Variants in IQGAP3 observed in about 807,000 individuals in gnomAD.
IQGAP3 encodes ras GTPase-activating-like protein IQGAP3.
In IQGAP3, 165 loss-of-function variants were observed where a neutral mutation model predicts 208.2. The observed-to-expected ratio is 0.79, with a 90% CI of 0.70 to 0.90. The LOEUF (loss-of-function observed/expected upper bound fraction) is 0.90, where lower values mean the gene tolerates loss of function less well. IQGAP3 is among the 40% of genes least tolerant of loss of function. The pLI, the probability that IQGAP3 is intolerant of heterozygous loss-of-function variation, is 0.00. For missense variants in IQGAP3, 1,811 were observed against 2,043.1 expected (o/e 0.89, Z 2.19); for synonymous variants, 703 against 803.6 (o/e 0.87, Z 2.12).
chr1:156,526,665 CA>C (rs1674080264), intron 37 of IQGAP3, 66 bp from the exon 38 acceptor site: 1 of 1,085,066 alleles, frequency 9.2e-7, no homozygotes, highest in African/African-American at 1.5e-5. Context: ...AGATGGTGTA[CA>C]AAACACTCAC....
intron 37 of IQGAP3, among the ~76,000 whole-genome samples, chr1:156,527,032 T>C (rs1038215903): frequency 1.1e-4 from 17 of 151,212 alleles, no homozygotes; most frequent in African/African-American, 2.2e-4. Flanking sequence ...AGGGTTTCAC[T>C]ATATTGGCCA....
chr1:156,538,091 C>T (rs769285087), intron 26 of IQGAP3, among the ~76,000 whole-genome samples: 8 of 151,964 alleles, frequency 5.3e-5, no homozygotes, highest in Non-Finnish European at 8.8e-5. Context: ...GACAGAGTCT[C>T]GCTCTGTCGC....
At chr1:156,534,472 A>G (rs756906261) in intron 29 of IQGAP3, 29 bp downstream of exon 29, 46 of 1,472,588 alleles carry the variant, frequency 3.1e-5, no homozygotes, top group Non-Finnish European at 4.2e-5. Context: ...GAGGGAAGAA[A>G]GGGGACAGAG....
chr1:156,527,271 G>C (rs1674128330), intron 37 of IQGAP3, among the ~76,000 whole-genome samples: 1 of 151,054 alleles, frequency 6.6e-6, no homozygotes, highest in African/African-American at 2.4e-5. Flanking sequence ...CACAAGGTCA[G>C]CAGTTCAAGA....
chr1:156,557,463 G>A (rs1205611535), intron 11 of IQGAP3, among the ~76,000 whole-genome samples: 1 of 18,276 alleles, frequency 5.5e-5, no homozygotes, highest in African/African-American at 1.1e-4. Context: ...CGCCTGGCCA[G>A]CCACCCCGTC....
intron 4 of IQGAP3, among the ~76,000 whole-genome samples, chr1:156,565,570 A>G (rs1478197954): frequency 1.3e-5 from 2 of 152,250 alleles, no homozygotes; most frequent in Admixed American, 6.5e-5. Context: ...TGTAAGGTAG[A>G]CAGGGCAGGG....
At position 156,555,468 on chromosome 1, in the gene IQGAP3, T is replaced by C. The variant is rs962216393; in HGVS notation, c.1290+1065A>G. 2.6e-5 allele frequency among the ~76,000 whole-genome samples: 4 copies of C among 152,318 alleles called. No individual in the cohort carries two copies. In the East Asian group the frequency reaches 5.8e-4, roughly 22 times the overall value. On this transcript the variant is annotated intron_variant, in intron 12 of 37. Transcript: ENST00000361170. ...CTCAAACTCCTGGCCTCAAGTGATC[T>C]GCCTGCCTGGACCTCCCAAAGTGCT... is the stretch of plus-strand genomic sequence containing the variant.
Position 156,548,079 on chromosome 1 carries a change from CT to C in IQGAP3, c.2297del (p.Lys766ArgfsTer29). 1 of 1,612,958 alleles carries C rather than the reference CT, an allele frequency of 6.2e-7. No homozygotes were observed. The highest frequency in any genetic ancestry group is 1.1e-5 in the South Asian group (1 of 90,790). Reference protein sequence around the residue: ...FLRTWLPAVIKIQAHWRGYRQ... With the variant: ...FLRTWLPAVIXIQAHWRGYRQ... ...GAAAGCCAGAGCCTGCCACCTGGAT[CT>C]TGATGACTGCTGGGAGCCAGGTCCT... On this transcript the variant is annotated frameshift_variant, in exon 19 of 38. Transcript: ENST00000361170. LOFTEE classifies it high-confidence loss of function.
chr1:156,530,443 G>A (rs1674338353), intron 33 of IQGAP3, 126 bp from the exon 34 acceptor site: 2 of 740,558 alleles, frequency 2.7e-6, no homozygotes, highest in Non-Finnish European at 2.2e-6. Flanking sequence ...CATTAAGAAA[G>A]TGCCCCAGAG....
intron 10 of IQGAP3, 47 bp from the exon 11 acceptor site, chr1:156,561,068 T>A: frequency 7.1e-7 from 1 of 1,400,870 alleles, no homozygotes; most frequent in Non-Finnish European, 1.0e-6. Flanking sequence ...TCCGGGGCCA[T>A]GACCATGCTT....
intron 19 of IQGAP3, among the ~76,000 whole-genome samples, chr1:156,545,594 G>C (rs1479170470): frequency 6.6e-6 from 1 of 151,180 alleles, no homozygotes; most frequent in Non-Finnish European, 1.5e-5. Context: ...CAACCTCCTG[G>C]GCTCAAGTGA....
rs778447754 is a variant in IQGAP3 at position 156,540,706 on chromosome 1, A to G, written c.2739+2T>C. On this transcript the variant is annotated splice_donor_variant, in intron 23 of 37. Transcript: ENST00000361170. LOFTEE classifies it high-confidence loss of function. ...GGAGGGGAGGACTGGTGGGCCCCAT[A>G]CCTGCAGAGTGATCCGGTTCTTCAC... 1.9e-6 allele frequency: 3 copies of G among 1,613,198 alleles called. No homozygotes were observed. The highest frequency in any genetic ancestry group is 2.2e-5 in the East Asian group (1 of 44,872).
At chr1:156,549,383 A>G (rs1280631323) in intron 16 of IQGAP3, among the ~76,000 whole-genome samples, 2 of 151,818 alleles carry the variant, frequency 1.3e-5, no homozygotes, top group African/African-American at 4.8e-5. Flanking sequence ...AGGCCCAAGA[A>G]TCGCTTGAAC....
At chr1:156,537,159 G>A in intron 27 of IQGAP3, 22 bp downstream of exon 27, 1 of 1,607,946 alleles carries the variant, frequency 6.2e-7, no homozygotes, top group Non-Finnish European at 8.5e-7. Flanking sequence ...TGCGTAGGCT[G>A]GGGTGGGGCT....
rs1676275636 is a variant in IQGAP3, at chr1:156,563,781, G to A, written c.481C>T (p.Leu161=). The A allele has an allele frequency of 1.2e-6, 2 of 1,614,062 alleles. No homozygotes were observed. Among genetic ancestry groups the A allele is most frequent in the Admixed American group, 3.3e-5 (2 of 59,990 alleles). ...RLGLAPQIHD[L]YGKVKFTAEE... is the part of the protein sequence containing the mutation. ...CCTGTGAATTTCACTTTCCCGTATA[G>A]ATCATGTATCTGAGGGGCCAATCCC... The change falls in exon 6 of 38, where the codon CTA becomes TTA. Residue 161 remains leucine, a synonymous_variant. Coordinates refer to ENST00000361170, the MANE Select transcript of IQGAP3 (RefSeq NM_178229.5).
rs767860195 is a variant in IQGAP3 at position 156,530,102 on chromosome 1, T to C, written c.4404+3A>G. 1.9e-6 allele frequency: 3 copies of C among 1,591,486 alleles called. No individual in the cohort carries two copies. The highest frequency in any genetic ancestry group is 3.5e-5 in the Admixed American group (2 of 56,974). On this transcript the variant is annotated splice_donor_region_variant and intron_variant, in intron 34 of 37. Coordinates refer to ENST00000361170, the MANE Select transcript of IQGAP3 (RefSeq NM_178229.5). ...CACACGGAGCCCAGGCCCAGGTTGTTACCTTGGCCAGCTCGTCCACTAGCC... is the reference window on the plus strand; with the variant it reads ...CACACGGAGCCCAGGCCCAGGTTGTCACCTTGGCCAGCTCGTCCACTAGCC...
intron 2 of IQGAP3, among the ~76,000 whole-genome samples, chr1:156,568,389 AT>A (rs11286632): frequency 0.96 from 146,365 of 152,182 alleles, 70,647 homozygotes; most frequent in East Asian, 1. Flanking sequence ...TAATTTTTGT[AT>A]TTTTTTTGTA....
chr1:156,545,649 G>A (rs1675206520), intron 19 of IQGAP3, among the ~76,000 whole-genome samples: 1 of 152,060 alleles, frequency 6.6e-6, no homozygotes, highest in Non-Finnish European at 1.5e-5. Flanking sequence ...ACAGGTGTGT[G>A]TCACCATGCC....
In IQGAP3 at chr1:156,561,870, G is replaced by A; in HGVS notation, c.1009C>T (p.Gln337Ter). The change falls in exon 10 of 38, where the codon CAG becomes TAG. Residue 337 changes from glutamine to a stop codon, truncating the protein, a stop_gained. Transcript: ENST00000361170. LOFTEE classifies it high-confidence loss of function. ...RRDFADWYLE[Q>*]LNSDREQKAQ... ...TTCTGCTCTCTGTCTGAGTTCAGCTGCTCCAGGTACCAGTCAGCAAAGTCT... is the reference window on the plus strand; with the variant it reads ...TTCTGCTCTCTGTCTGAGTTCAGCTACTCCAGGTACCAGTCAGCAAAGTCT... The A allele has an allele frequency of 6.2e-7, 1 of 1,614,072 alleles. No homozygotes were observed. Among genetic ancestry groups the A allele is most frequent in the South Asian group, 1.1e-5 (1 of 91,076 alleles).
Sources: gnomAD v4.1 joint callset for allele counts (sites outside exome capture counted in the v4.1 genomes callset) on GRCh38, gnomAD v4.1.1 for gene constraint, MANE v1.5 for transcripts, NCBI Gene and HGNC (gene_info 2026-07-23, HGNC 2026-07-21) for gene names.